Variants in RPL31 observed in about 807,000 individuals in gnomAD.
The protein encoded by RPL31 is ribosomal protein L31.
For missense variants in RPL31, 95 were observed against 164.0 expected (o/e 0.58, Z 2.30); for synonymous variants, 51 against 55.0 (o/e 0.93, Z 0.32).
downstream of RPL31, chr2:101,011,573 A>G (rs763846859): frequency 1.1e-5 from 18 of 1,610,350 alleles, no homozygotes; most frequent in Non-Finnish European, 1.5e-5. Flanking sequence ...AAATTAAACA[A>G]ATTTTCTGCC....
At chr2:101,019,199 A>G in exon 5 of RPL31, 1 of 876,826 alleles carries the variant, frequency 1.1e-6, no homozygotes, top group Non-Finnish European at 1.7e-6. Context: ...GGTTTCAACA[A>G]GGTACTGATG....
intron 4 of RPL31, among the ~76,000 whole-genome samples, chr2:101,012,601 G>A (rs1270284303): frequency 2.0e-5 from 3 of 149,348 alleles, no homozygotes; most frequent in Admixed American, 6.7e-5. Flanking sequence ...TGATTGTGGT[G>A]ATCGCTGCAC....
At chr2:101,011,698 C>T (rs1250133683), downstream of RPL31, among the ~76,000 whole-genome samples, 1 of 152,194 alleles carries the variant, frequency 6.6e-6, no homozygotes, top group Non-Finnish European at 1.5e-5. Context: ...ACACCAAGCA[C>T]TGTCTGGATA....
Position 101,002,825 on chromosome 2 carries a change from C to T in RPL31, c.107+17C>T, listed in dbSNP as rs201233022. 93 of 1,578,640 alleles carry T rather than the reference C, an allele frequency of 5.9e-5. No individual in the cohort carries two copies. The highest frequency in any genetic ancestry group is 7.4e-5 in the Non-Finnish European group (85 of 1,147,638). On this transcript the variant is annotated intron_variant, in intron 2 of 4. Coordinates refer to ENST00000264258, the MANE Select transcript of RPL31 (RefSeq NM_000993.5). ...CCATGGAGTGTGAGTATCCCTCTAG[C>T]CGCCCTGGGTCTCGAACTCACGCGT... is the stretch of plus-strand genomic sequence containing the variant.
chr2:101,009,175 C>T (rs9784111), downstream of RPL31, among the ~76,000 whole-genome samples: 290 of 152,212 alleles, frequency 1.9e-3, no homozygotes, highest in African/African-American at 6.6e-3. Context: ...AGGCGGATCA[C>T]GAGGTCAGGA....
downstream of RPL31, chr2:101,011,234 A>T: frequency 1.5e-6 from 1 of 682,548 alleles, no homozygotes; most frequent in Non-Finnish European, 2.4e-6. Flanking sequence ...AACAGCAAAC[A>T]GGAGGAAGGA....
intron 4 of RPL31, among the ~76,000 whole-genome samples, chr2:101,013,993 T>C (rs1300168841): frequency 1.3e-5 from 2 of 152,200 alleles, no homozygotes; most frequent in East Asian, 1.9e-4. Context: ...AAGTCATTGA[T>C]AGGAAAATCA....
At position 101,004,695 on chromosome 2, in the gene RPL31, C is replaced by T. The variant is rs1375660537; in HGVS notation, c.233+412C>T. The T allele has an allele frequency of 8.6e-5, 12 of 139,326 alleles. 1 individual carries two copies. The highest frequency in any genetic ancestry group is 2.4e-4 in the South Asian group (1 of 4,252). The allele number at this position is 139,326 out of a possible 1,614,324, so 8.6% of individuals were successfully genotyped here. Reference sequence around the variant, plus strand: ...CTGCGGCAGTTTTACCTGTCCTTCCCGGGGTTGTGGCGGGGGTGGGGGGCA... The same window carrying T: ...CTGCGGCAGTTTTACCTGTCCTTCCTGGGGTTGTGGCGGGGGTGGGGGGCA... On this transcript the variant is annotated intron_variant, in intron 3 of 4. Coordinates refer to ENST00000264258, the MANE Select transcript of RPL31 (RefSeq NM_000993.5).
At position 101,006,655 on chromosome 2, in the gene RPL31, A is replaced by G. The variant is rs1225114754; in HGVS notation, c.*274A>G. The G allele has an allele frequency of 2.5e-5, 9 of 360,972 alleles. No homozygotes were observed. Among genetic ancestry groups the G allele is most frequent in the South Asian group, 1.9e-4 (2 of 10,498 alleles). The allele number at this position is 360,972 out of a possible 1,614,324, so 22.4% of individuals were successfully genotyped here. A position where few individuals can be genotyped will look rare whatever the true frequency, so the allele number is the denominator to read the frequency against. ...ACTTGTATGTTTTGCTAATTCTAAG[A>G]TAAGCATTTTTCCAGAAACCAGGAT... On this transcript the variant is annotated 3_prime_UTR_variant, in exon 5 of 5. Coordinates refer to ENST00000264258, the MANE Select transcript of RPL31 (RefSeq NM_000993.5).
chr2:101,018,867 A>T, intron 4 of RPL31: 1 of 1,185,818 alleles, frequency 8.4e-7, no homozygotes, highest in East Asian at 2.7e-5. Flanking sequence ...TAATTAACTA[A>T]GCAAAATGGC....
At chr2:101,007,712 C>T (rs1678832608), downstream of RPL31, 4 of 1,123,118 alleles carry the variant, frequency 3.6e-6, no homozygotes, top group Non-Finnish European at 5.1e-6. Flanking sequence ...TAGCCAGATG[C>T]CCCATTGGTA....
chr2:101,012,278 A>G (rs150719619), intron 4 of RPL31, among the ~76,000 whole-genome samples: 1 of 152,222 alleles, frequency 6.6e-6, no homozygotes, highest in African/African-American at 2.4e-5. Flanking sequence ...AGTATTGTTC[A>G]TAGTAGCCAA....
At chr2:101,009,821 C>CATTTTT (rs144990163), downstream of RPL31, among the ~76,000 whole-genome samples, 3 of 134,192 alleles carry the variant, frequency 2.2e-5, no homozygotes, top group Non-Finnish European at 1.6e-5. Context: ...AAAAAAGGAG[C>CATTTTT]TTTTTCTTTT....
At chr2:101,009,355 G>A (rs1376484568), downstream of RPL31, among the ~76,000 whole-genome samples, 12 of 150,152 alleles carry the variant, frequency 8.0e-5, no homozygotes, top group Non-Finnish European at 1.5e-4. Context: ...GCAGTGAGCC[G>A]AGATCGTGCC....
downstream of RPL31, among the ~76,000 whole-genome samples, chr2:101,009,141 C>T (rs1311527347): frequency 6.6e-6 from 1 of 152,124 alleles, no homozygotes; most frequent in African/African-American, 2.4e-5. Context: ...TGCCTGTAAT[C>T]CCAGCACTTT....
intron 2 of RPL31, among the ~76,000 whole-genome samples, chr2:101,003,376 G>A (rs918138348): frequency 3.3e-5 from 5 of 152,030 alleles, no homozygotes; most frequent in African/African-American, 1.2e-4. Context: ...GCAGTGGCGC[G>A]CTCTCGGCTC....
chr2:101,016,114 A>G (rs1350934096), intron 4 of RPL31, among the ~76,000 whole-genome samples: 1 of 152,254 alleles, frequency 6.6e-6, no homozygotes, highest in Non-Finnish European at 1.5e-5. Flanking sequence ...AGCAAAAGAA[A>G]CTACCATCAG....
downstream of RPL31, chr2:101,007,520 T>TTCA (rs1289396206): frequency 8.3e-6 from 3 of 359,310 alleles, no homozygotes; most frequent in African/African-American, 6.2e-5. Flanking sequence ...AGACATTGTG[T>TTCA]TCATCTGAGA....
chr2:101,002,779 C>T lies in RPL31; in HGVS notation c.78C>T (p.Thr26=). The T allele has an allele frequency of 6.2e-7, 1 of 1,613,968 alleles. No homozygotes were observed. The highest frequency in any genetic ancestry group is 8.5e-7 in the Non-Finnish European group (1 of 1,179,840). The change falls in exon 2 of 5, where the codon ACC becomes ACT. Residue 26 remains threonine (T), a synonymous_variant. Coordinates refer to ENST00000264258, the MANE Select transcript of RPL31 (RefSeq NM_000993.5). ...ACGAAGTGGTAACCCGAGAATACAC[C>T]ATCAACATTCACAAGCGCATCCATG... is the stretch of plus-strand genomic sequence containing the variant. ...AINEVVTREY[T]INIHKRIHGV... is the part of the protein sequence containing the mutation.
Sources: gnomAD v4.1 joint callset for allele counts (sites outside exome capture counted in the v4.1 genomes callset) on GRCh38, gnomAD v4.1.1 for gene constraint, MANE v1.5 for transcripts, NCBI Gene and HGNC (gene_info 2026-07-23, HGNC 2026-07-21) for gene names.